ZNF599: variants seen among roughly 807,000 people sequenced by gnomAD.
The protein encoded by ZNF599 is zinc finger protein 599.
ZNF599 carries 10 observed loss-of-function variants against 11.7 expected under a neutral mutation model. The ratio of observed to expected loss-of-function variants is 0.86; its 90% CI spans 0.53 to 1.45. The LOEUF (loss-of-function observed/expected upper bound fraction) is 1.45. Ranked by LOEUF, ZNF599 falls within the 40% of genes most tolerant of loss-of-function variation. The probability of loss-of-function intolerance (pLI) is 0.00; values close to 1 mark genes in which losing one functional copy is unlikely to be tolerated. For missense variants in ZNF599, 688 were observed against 713.6 expected (o/e 0.96, Z 0.41); for synonymous variants, 232 against 253.2 (o/e 0.92, Z 0.79).
At chr19:34,767,482 A>G in intron 2 of ZNF599, 71 bp from the exon 3 acceptor site, 1 of 1,219,454 alleles carries the variant, frequency 8.2e-7, no homozygotes, top group Non-Finnish European at 1.2e-6. Context: ...GGTGTAAAGG[A>G]GTACATATAT....
the ZNF599 span, among the ~76,000 whole-genome samples, chr19:34,788,190 G>A: frequency 1.4e-3 from 210 of 152,218 alleles, no homozygotes; most frequent in Middle Eastern, 0.01. Flanking sequence ...TGCAGTATCT[G>A]TGCAGGATCC....
the ZNF599 span, among the ~76,000 whole-genome samples, chr19:34,807,268 G>T: frequency 6.6e-6 from 1 of 152,180 alleles, no homozygotes; most frequent in African/African-American, 2.4e-5. Flanking sequence ...TGGGGCTTAA[G>T]ATTTGAAAGT....
At chr19:34,774,580 C>T (rs2069207579), upstream of ZNF599, among the ~76,000 whole-genome samples, 1 of 152,188 alleles carries the variant, frequency 6.6e-6, no homozygotes. Context: ...ACTCAAATAG[C>T]TCCACATGTA....
chr19:34,804,716 C>T, the ZNF599 span, among the ~76,000 whole-genome samples: 10 of 152,334 alleles, frequency 6.6e-5, no homozygotes, highest in African/African-American at 2.4e-4. Flanking sequence ...ACTTTTACTA[C>T]TAACTTCTCC....
At chr19:34,802,179 A>G in the ZNF599 span, among the ~76,000 whole-genome samples, 16 of 152,360 alleles carry the variant, frequency 1.1e-4, no homozygotes, top group East Asian at 2.1e-3. Context: ...CTGCACACCA[A>G]TGCATGAGTC....
At chr19:34,807,286 C>T in the ZNF599 span, among the ~76,000 whole-genome samples, 5 of 152,188 alleles carry the variant, frequency 3.3e-5, no homozygotes, top group East Asian at 3.9e-4. Context: ...AGTAGGAGTC[C>T]GGCGGGTGAG....
the ZNF599 span, among the ~76,000 whole-genome samples, chr19:34,785,078 TA>T: frequency 6.9e-6 from 1 of 145,482 alleles, no homozygotes; most frequent in African/African-American, 2.5e-5. Flanking sequence ...GGCCAAAACC[TA>T]ACTTCTGATA....
At chr19:34,765,839 C>T (rs1425250298) in intron 3 of ZNF599, among the ~76,000 whole-genome samples, 1 of 152,088 alleles carries the variant, frequency 6.6e-6, no homozygotes, top group Admixed American at 6.5e-5. Flanking sequence ...GGGAAAACAG[C>T]GAGGAATCTG....
the ZNF599 span, among the ~76,000 whole-genome samples, chr19:34,782,860 T>C: frequency 2.0e-5 from 3 of 152,114 alleles, no homozygotes; most frequent in Non-Finnish European, 4.4e-5. Context: ...TCCTCAAAGG[T>C]CACACAGCCC....
chr19:34,766,593 T>C (rs1160478831), intron 3 of ZNF599, among the ~76,000 whole-genome samples: 2 of 152,228 alleles, frequency 1.3e-5, no homozygotes, highest in African/African-American at 4.8e-5. Context: ...TGCTAGGCAG[T>C]TTCCTGCTAT....
At chr19:34,781,579 C>T in the ZNF599 span, among the ~76,000 whole-genome samples, 30 of 152,302 alleles carry the variant, frequency 2.0e-4, no homozygotes, top group South Asian at 2.1e-3. Context: ...GCAACTGCTG[C>T]GCAGTAGTAA....
Position 34,772,913 on chromosome 19 carries a change from G to T in ZNF599, c.-72C>A, listed in dbSNP as rs995375519. 29 of 1,395,176 alleles carry T rather than the reference G, an allele frequency of 2.1e-5. No homozygotes were observed. Among genetic ancestry groups the T allele is most frequent in the Non-Finnish European group, 2.4e-5 (26 of 1,079,612 alleles). The allele number at this position is 1,395,176 out of a possible 1,614,324, so 86.4% of individuals were successfully genotyped here. A position where few individuals can be genotyped will look rare whatever the true frequency, so the allele number is the denominator to read the frequency against. On this transcript the variant is annotated 5_prime_UTR_variant, in exon 1 of 4. Coordinates refer to ENST00000329285, the MANE Select transcript of ZNF599 (RefSeq NM_001007248.3). ...GTCCTGCGGGCTCGGCCGACCCCGG[G>T]CTCCGGCTCTGGGCTGCGAGGGACC...
chr19:34,782,347 C>T, the ZNF599 span, among the ~76,000 whole-genome samples: 8 of 152,268 alleles, frequency 5.3e-5, no homozygotes, highest in South Asian at 1.0e-3. Flanking sequence ...AGAAACAAGT[C>T]GGCAGTCCCA....
At chr19:34,781,447 G>A in the ZNF599 span, among the ~76,000 whole-genome samples, 1 of 152,156 alleles carries the variant, frequency 6.6e-6, no homozygotes, top group East Asian at 1.9e-4. Flanking sequence ...TGAAAGCAAT[G>A]AAATGCTGGT....
At chr19:34,803,014 T>C in the ZNF599 span, among the ~76,000 whole-genome samples, 2 of 152,070 alleles carry the variant, frequency 1.3e-5, no homozygotes, top group Admixed American at 6.6e-5. Context: ...TAACAGCAAT[T>C]CCTGGTATAG....
intron 3 of ZNF599, among the ~76,000 whole-genome samples, chr19:34,762,317 A>C (rs1470095308): frequency 6.6e-6 from 1 of 152,224 alleles, no homozygotes. Flanking sequence ...TAGGTTGAAA[A>C]AACTAAAGGA....
At position 34,772,977 on chromosome 19, in the gene ZNF599, C is replaced by A. The variant is rs556623795; in HGVS notation, c.-136G>T. On this transcript the variant is annotated 5_prime_UTR_variant, in exon 1 of 4. Transcript: ENST00000329285. ...TCGTGTAAAATGCACACAAGGTTCG[C>A]GGCGCCGCCTCTGCGCGCCGTGAGG... The A allele has an allele frequency of 1.0e-3, 1,148 of 1,100,566 alleles. No individual in the cohort carries two copies. The highest frequency in any genetic ancestry group is 2.1e-3 in the Admixed American group (62 of 28,934). The allele number at this position is 1,100,566 out of a possible 1,614,324, so 68.2% of individuals were successfully genotyped here.
chr19:34,774,885 T>C (rs530491364), upstream of ZNF599, among the ~76,000 whole-genome samples: 1 of 151,940 alleles, frequency 6.6e-6, no homozygotes, highest in South Asian at 2.1e-4. Context: ...TGTTGGGAGG[T>C]GACTGGATCG....
chr19:34,770,730 A>G (rs1159819554), intron 1 of ZNF599, among the ~76,000 whole-genome samples: 1 of 152,208 alleles, frequency 6.6e-6, no homozygotes, highest in Non-Finnish European at 1.5e-5. Flanking sequence ...CTGGGTGAGA[A>G]TGGGATGTTG....
Sources: allele counts gnomAD v4.1 joint callset (sites outside exome capture counted in the v4.1 genomes callset), GRCh38; gene constraint gnomAD v4.1.1; transcripts MANE v1.5; gene names NCBI Gene and HGNC (gene_info 2026-07-23, HGNC 2026-07-21).